Variants in PTPRT observed in about 807,000 individuals in gnomAD.
PTPRT encodes protein tyrosine phosphatase receptor type T.
PTPRT carries 56 observed loss-of-function variants against 176.8 expected under a neutral mutation model. That is an observed-to-expected ratio of 0.32 (90% CI 0.26 to 0.40). The LOEUF is 0.40. Among genes scored for constraint, PTPRT ranks in the 10% least tolerant of loss-of-function variants. The probability of loss-of-function intolerance (pLI) is 1.00; values close to 1 mark genes in which losing one functional copy is unlikely to be tolerated. For synonymous variants in PTPRT, 783 were observed against 739.0 expected, an observed-to-expected ratio of 1.06 and a Z score of -0.96; for missense variants, 1,540 against 1,908.2, an observed-to-expected ratio of 0.81 and a Z score of 3.60.
intron 2 of PTPRT, among the ~76,000 whole-genome samples, chr20:42,850,662 T>C (rs1191068910): frequency 6.6e-6 from 1 of 152,196 alleles, no homozygotes; most frequent in Non-Finnish European, 1.5e-5. Flanking sequence ...CACTTACACA[T>C]TCCTTTGTGA....
chr20:42,522,077 C>G (rs1022267650), intron 7 of PTPRT, among the ~76,000 whole-genome samples: 1 of 150,708 alleles, frequency 6.6e-6, no homozygotes, highest in Admixed American at 6.6e-5. Context: ...ATATTTGTGC[C>G]TTTGCTTTGG....
At chr20:42,847,626 T>C (rs534366908) in intron 2 of PTPRT, among the ~76,000 whole-genome samples, 1 of 152,300 alleles carries the variant, frequency 6.6e-6, no homozygotes, top group East Asian at 1.9e-4. Context: ...AATGGGGCTT[T>C]AGAGTCACAT....
intron 1 of PTPRT, among the ~76,000 whole-genome samples, chr20:42,951,206 G>A (rs1052727962): frequency 6.6e-6 from 1 of 152,036 alleles, no homozygotes; most frequent in African/African-American, 2.4e-5. Context: ...TGAATACATG[G>A]GTAGATGGAT....
At chr20:42,570,449 C>G (rs2073134683) in intron 7 of PTPRT, among the ~76,000 whole-genome samples, 1 of 152,186 alleles carries the variant, frequency 6.6e-6, no homozygotes, top group Admixed American at 6.5e-5. Context: ...GTTTCTGACT[C>G]CACCAAACAC....
chr20:43,096,175 C>T (rs79185303), intron 1 of PTPRT, among the ~76,000 whole-genome samples: 5,896 of 150,610 alleles, frequency 0.039, 236 homozygotes, highest in African/African-American at 0.098. Context: ...TCTATCTCCC[C>T]GCCTTGCTCC....
intron 7 of PTPRT, among the ~76,000 whole-genome samples, chr20:42,550,671 C>G (rs755043922): frequency 1.3e-5 from 2 of 152,052 alleles, no homozygotes; most frequent in East Asian, 3.9e-4. Flanking sequence ...CGGGGCTAAG[C>G]TGCATCCTTT....
intron 2 of PTPRT, among the ~76,000 whole-genome samples, chr20:42,807,178 AC>A (rs2077622859): frequency 6.6e-6 from 1 of 152,016 alleles, no homozygotes. Flanking sequence ...ATTGGTACAG[AC>A]CTTTATCTTC....
At chr20:43,050,277 G>A (rs970905259) in intron 1 of PTPRT, among the ~76,000 whole-genome samples, 3 of 152,338 alleles carry the variant, frequency 2.0e-5, no homozygotes, top group Non-Finnish European at 2.9e-5. Context: ...TGGGACACAC[G>A]ACTGGTGGTG....
At chr20:42,370,618 A>G (rs1458764917) in intron 9 of PTPRT, among the ~76,000 whole-genome samples, 3 of 152,228 alleles carry the variant, frequency 2.0e-5, no homozygotes, top group African/African-American at 7.2e-5. Context: ...AATGGAGACA[A>G]TGATGTCCCT....
intron 13 of PTPRT, among the ~76,000 whole-genome samples, chr20:42,281,935 T>C (rs1984400): frequency 2.4e-3 from 365 of 152,314 alleles, no homozygotes; most frequent in Middle Eastern, 0.024. Context: ...AATTCAATTA[T>C]AATTAGGAAA....
Position 42,756,609 on chromosome 20 carries a change from T to C in PTPRT, c.712A>G (p.Met238Val). The C allele has an allele frequency of 1.9e-6, 3 of 1,602,594 alleles. No homozygotes were observed. The highest frequency in any genetic ancestry group is 2.6e-6 in the Non-Finnish European group (3 of 1,172,740). ...CTGTGGTTGACCACACGGGTGACCA[T>C]CAGGGCCGTGTCCCTGCCATTCCAT... Reference protein sequence around the residue: ...QQWNGRDTALMVTRVVNHRRF... With the variant: ...QQWNGRDTALVVTRVVNHRRF... Residue 238 changes from methionine to valine, a missense_variant, in exon 6 of 31, where the codon ATG becomes GTG. Met to Val is a conservative substitution (Grantham distance 21). This residue lies in a region of PTPRT where 273 missense variants were observed against 432.1 expected (regional missense o/e 0.63). Coordinates refer to ENST00000373187, the MANE Select transcript of PTPRT (RefSeq NM_007050.6).
chr20:42,313,028 A>T (rs1375596774), intron 12 of PTPRT, among the ~76,000 whole-genome samples: 8 of 152,082 alleles, frequency 5.3e-5, no homozygotes, highest in Non-Finnish European at 1.2e-4. Context: ...TACAAGATAC[A>T]GGCCACAAAG....
chr20:42,256,162 G>C (rs1034390723), intron 13 of PTPRT, among the ~76,000 whole-genome samples: 1 of 152,204 alleles, frequency 6.6e-6, no homozygotes, highest in African/African-American at 2.4e-5. Context: ...GGAGATAATA[G>C]GGAAAAGATG....
chr20:42,276,553 A>G (rs1354145721), intron 13 of PTPRT, among the ~76,000 whole-genome samples: 10 of 77,394 alleles, frequency 1.3e-4, no homozygotes, highest in African/African-American at 4.0e-4. Flanking sequence ...ATATATATAT[A>G]TATATAATGT....
At chr20:42,766,691 C>A (rs77327631) in intron 5 of PTPRT, among the ~76,000 whole-genome samples, 6,169 of 152,256 alleles carry the variant, frequency 0.041, 189 homozygotes, top group Non-Finnish European at 0.061. Context: ...AGGGATTTAT[C>A]TCAAACTATG....
Position 42,623,836 on chromosome 20 carries a change from C to A in PTPRT, c.1153+54030G>T, listed in dbSNP as rs555729937. Among the ~76,000 whole-genome samples, 16 of 151,718 alleles carry A rather than the reference C, an allele frequency of 1.1e-4. No individual in the cohort carries two copies. The South Asian group carries it at 3.3e-3, about 32-fold the overall frequency. On this transcript the variant is annotated intron_variant, in intron 7 of 30. Transcript: ENST00000373187. Reference sequence around the variant, plus strand: ...GCTCTTCTCTCAGGCTAACCTTAGCCCCATTTGCTCTGCTAGAATGTCCCT... The same window carrying A: ...GCTCTTCTCTCAGGCTAACCTTAGCACCATTTGCTCTGCTAGAATGTCCCT...
At chr20:42,641,349 C>G (rs1298471867) in intron 7 of PTPRT, among the ~76,000 whole-genome samples, 4 of 152,178 alleles carry the variant, frequency 2.6e-5, no homozygotes, top group African/African-American at 7.2e-5. Flanking sequence ...AGCCTGGAAC[C>G]CTGGATGAAT....
chr20:43,149,610 T>C (rs2014278436), intron 1 of PTPRT, among the ~76,000 whole-genome samples: 1 of 152,206 alleles, frequency 6.6e-6, no homozygotes. Flanking sequence ...AGAACTTTCA[T>C]GAAGTGGAGG....
At chr20:42,950,306 G>A (rs1035797057) in intron 1 of PTPRT, among the ~76,000 whole-genome samples, 21 of 152,182 alleles carry the variant, frequency 1.4e-4, no homozygotes, top group African/African-American at 2.9e-4. Flanking sequence ...AAGGGAAATC[G>A]TACATTCTGT....
Sources: gnomAD v4.1 joint callset for allele counts (sites outside exome capture counted in the v4.1 genomes callset) on GRCh38, gnomAD v4.1.1 for gene constraint, gnomAD v4.1.1 regional missense constraint, MANE v1.5 for transcripts, NCBI Gene and HGNC (gene_info 2026-07-23, HGNC 2026-07-21) for gene names.